Variants in ATAD2B observed in about 807,000 individuals in gnomAD.
The protein encoded by ATAD2B is ATPase family AAA domain-containing protein 2B.
In ATAD2B, 40 loss-of-function variants were observed where a neutral mutation model predicts 167.6. The ratio of observed to expected loss-of-function variants is 0.24; its 90% CI spans 0.19 to 0.31. ATAD2B has a LOEUF of 0.31. Ranked by LOEUF, ATAD2B falls within the 10% of genes least tolerant of loss-of-function variation. The pLI, the probability that ATAD2B is intolerant of heterozygous loss-of-function variation, is 1.00. For synonymous variants in ATAD2B, 579 were observed against 596.5 expected (o/e 0.97, Z 0.43); for missense variants, 1,242 against 1,757.2 (o/e 0.71, Z 5.24).
chr2:23,721,297 G>C, the ATAD2B span, among the ~76,000 whole-genome samples: 2 of 152,198 alleles, frequency 1.3e-5, no homozygotes, highest in African/African-American at 4.8e-5. Flanking sequence ...CACAATCAGA[G>C]CATGACAAGC....
the ATAD2B span, among the ~76,000 whole-genome samples, chr2:23,720,575 T>C: frequency 9.0e-4 from 28 of 31,116 alleles, no homozygotes; most frequent in South Asian, 0.016. Context: ...CGAGACTCCG[T>C]CTCAAAAAAA....
intron 13 of ATAD2B, among the ~76,000 whole-genome samples, chr2:23,853,229 A>C (rs576636670): frequency 3.3e-5 from 5 of 152,348 alleles, no homozygotes; most frequent in Admixed American, 3.3e-4. Context: ...ACTGAATTCT[A>C]GCCAAAGAAA....
chr2:23,739,588 A>G, the ATAD2B span, among the ~76,000 whole-genome samples: 1 of 152,126 alleles, frequency 6.6e-6, no homozygotes, highest in African/African-American at 2.4e-5. Context: ...AATGCCCACA[A>G]GAGAAAGCAG....
Position 23,926,815 on chromosome 2 carries a change from G to A in ATAD2B, c.-45C>T, listed in dbSNP as rs930480642. 1.7e-5 allele frequency: 25 copies of A among 1,462,194 alleles called. No homozygotes were observed. Among genetic ancestry groups the A allele is most frequent in the Admixed American group, 5.4e-5 (2 of 37,122 alleles). 90.6% of individuals were successfully genotyped at this position (1,462,194 alleles called of 1,614,324 possible). ...AGTCCACGCCGCGCCCGGGAGAGCCGAGCAAGGCCGGCCCGCCGGCCGGTC... is the reference window on the plus strand; with the variant it reads ...AGTCCACGCCGCGCCCGGGAGAGCCAAGCAAGGCCGGCCCGCCGGCCGGTC... On this transcript the variant is annotated 5_prime_UTR_variant, in exon 1 of 28. Coordinates refer to ENST00000238789, the MANE Select transcript of ATAD2B (RefSeq NM_017552.4).
At chr2:23,782,797 T>G in intron 22 of ATAD2B, 72 bp downstream of exon 22, 1 of 1,307,038 alleles carries the variant, frequency 7.7e-7, no homozygotes. Context: ...AACACAGGCA[T>G]GACTTAGTAT....
In ATAD2B at chr2:23,900,756, G is replaced by A. The variant is rs72790319; in HGVS notation, c.217-4786C>T. On this transcript the variant is annotated intron_variant, in intron 1 of 27. Coordinates refer to ENST00000238789, the MANE Select transcript of ATAD2B (RefSeq NM_017552.4). Reference sequence around the variant, plus strand: ...ATCGGCTCTGCCCTGTCACTGCAAGGTTCCCACTTGGCTGAAGCTGACATC... The same window carrying A: ...ATCGGCTCTGCCCTGTCACTGCAAGATTCCCACTTGGCTGAAGCTGACATC... 8.9e-3 allele frequency: 1,360 copies of A among 152,264 alleles called. 10 individuals carry two copies. Among genetic ancestry groups the A allele is most frequent in the Middle Eastern group, 0.017 (5 of 294 alleles). 9.4% of individuals were successfully genotyped at this position (152,264 alleles called of 1,614,324 possible).
intron 13 of ATAD2B, among the ~76,000 whole-genome samples, chr2:23,838,098 C>T (rs1690299096): frequency 6.6e-6 from 1 of 152,152 alleles, no homozygotes; most frequent in South Asian, 2.1e-4. Context: ...ACTGCTCTAG[C>T]TGTGTTTCCA....
intron 13 of ATAD2B, among the ~76,000 whole-genome samples, chr2:23,848,214 T>C (rs1225373308): frequency 6.6e-6 from 1 of 152,116 alleles, no homozygotes; most frequent in Non-Finnish European, 1.5e-5. Flanking sequence ...AAAAATAAAA[T>C]GTACAAGGCC....
chr2:23,833,752 A>G (rs1572958425), intron 14 of ATAD2B, among the ~76,000 whole-genome samples, 167 bp downstream of exon 14: 1 of 152,244 alleles, frequency 6.6e-6, no homozygotes, highest in Admixed American at 6.5e-5. Context: ...ATAATTGTTA[A>G]TAGAAAAAAA....
At chr2:23,791,525 C>T (rs1213928649) in intron 19 of ATAD2B, among the ~76,000 whole-genome samples, 1 of 151,742 alleles carries the variant, frequency 6.6e-6, no homozygotes, top group Non-Finnish European at 1.5e-5. Flanking sequence ...CTTGCCCAAC[C>T]TATATTTTAG....
At chr2:23,906,764 C>A (rs1350337830) in intron 1 of ATAD2B, among the ~76,000 whole-genome samples, 1 of 151,860 alleles carries the variant, frequency 6.6e-6, no homozygotes, top group Non-Finnish European at 1.5e-5. Flanking sequence ...AAAAGCTTAT[C>A]CACCATGATC....
chr2:23,876,093 G>C lies in ATAD2B; in HGVS notation c.902-189C>G, dbSNP rs756499658. 4.1e-5 allele frequency among the ~76,000 whole-genome samples: 6 copies of C among 145,760 alleles called. No individual in the cohort carries two copies. In the Middle Eastern group the frequency reaches 0.012, roughly 296 times the overall value. On this transcript the variant is annotated intron_variant, in intron 7 of 27. Coordinates refer to ENST00000238789, the MANE Select transcript of ATAD2B (RefSeq NM_017552.4). ...ACTGCAACCTCTCCCTCCTAAGTTCGAGCGATTCTCCTACCTCAGCCTCCC... is the reference window on the plus strand; with the variant it reads ...ACTGCAACCTCTCCCTCCTAAGTTCCAGCGATTCTCCTACCTCAGCCTCCC...
intron 1 of ATAD2B, among the ~76,000 whole-genome samples, chr2:23,911,498 T>C (rs1402610182): frequency 1.3e-5 from 2 of 151,240 alleles, no homozygotes; most frequent in Non-Finnish European, 2.9e-5. Flanking sequence ...AAGGCTGCAG[T>C]GAGCCTTGAT....
chr2:23,783,986 TA>T (rs1377587946), intron 21 of ATAD2B, among the ~76,000 whole-genome samples: 1 of 152,024 alleles, frequency 6.6e-6, no homozygotes, highest in Admixed American at 6.6e-5. Context: ...GGATTACTTA[TA>T]AAAAATATTA....
the ATAD2B span, among the ~76,000 whole-genome samples, chr2:23,679,403 T>C: frequency 1.9e-4 from 29 of 152,322 alleles, no homozygotes; most frequent in African/African-American, 6.7e-4. Context: ...GGCTTGTTCC[T>C]ATGGTGGTGG....
intron 8 of ATAD2B, 93 bp downstream of exon 8, chr2:23,875,736 G>T (rs1696725892): frequency 4.8e-6 from 4 of 831,278 alleles, no homozygotes; most frequent in Non-Finnish European, 7.9e-6. Context: ...AGCTAAATAG[G>T]ATGACAACTG....
At chr2:23,810,853 A>T (rs1389361617) in intron 17 of ATAD2B, among the ~76,000 whole-genome samples, 1 of 152,118 alleles carries the variant, frequency 6.6e-6, no homozygotes, top group Non-Finnish European at 1.5e-5. Context: ...TCTACTAAAA[A>T]TACAAAAATT....
At chr2:23,745,406 AAGGAAGGAAGG>A (rs757124797), downstream of ATAD2B, among the ~76,000 whole-genome samples, 47 of 112,150 alleles carry the variant, frequency 4.2e-4, no homozygotes, top group Non-Finnish European at 6.6e-4. Flanking sequence ...GGAAGGAAGG[AAGGAAGGAAGG>A]AAGGAAAGGG....
intron 1 of ATAD2B, among the ~76,000 whole-genome samples, chr2:23,915,758 A>AT (rs1359282479): frequency 1.3e-5 from 2 of 151,218 alleles, no homozygotes; most frequent in Non-Finnish European, 2.9e-5. Context: ...AGCCCAGCTA[A>AT]TTTTTTTGTA....
Sources: gnomAD v4.1 joint callset for allele counts (sites outside exome capture counted in the v4.1 genomes callset) on GRCh38, gnomAD v4.1.1 for gene constraint, MANE v1.5 for transcripts, NCBI Gene and HGNC (gene_info 2026-07-23, HGNC 2026-07-21) for gene names.